The following RCAN2 variants were observed in gnomAD, a reference collection of about 807,000 sequenced individuals.
The protein encoded by RCAN2 is regulator of calcineurin 2.
RCAN2 carries 9 observed loss-of-function variants against 23.6 expected under a neutral mutation model. That is an observed-to-expected ratio of 0.38 (90% CI 0.23 to 0.67). The LOEUF (loss-of-function observed/expected upper bound fraction) is 0.67. Among genes scored for constraint, RCAN2 ranks in the 30% least tolerant of loss-of-function variants. The pLI is 0.51. For missense variants in RCAN2, 273 were observed against 302.3 expected (o/e 0.90, Z 0.72); for synonymous variants, 109 against 115.7 (o/e 0.94, Z 0.37).
chr6:46,253,243 T>C (rs1248020550), intron 2 of RCAN2, among the ~76,000 whole-genome samples: 1 of 152,242 alleles, frequency 6.6e-6, no homozygotes, highest in Non-Finnish European at 1.5e-5. Context: ...CATTGGTGGA[T>C]ACAAGTTTTC....
intron 2 of RCAN2, among the ~76,000 whole-genome samples, chr6:46,404,236 G>T (rs112078544): frequency 6.6e-6 from 1 of 151,700 alleles, no homozygotes; most frequent in African/African-American, 2.4e-5. Context: ...AAAAAAAGAG[G>T]TGATTTTGGA....
intron 2 of RCAN2, among the ~76,000 whole-genome samples, chr6:46,432,333 C>T (rs1767234639): frequency 6.6e-6 from 1 of 152,082 alleles, no homozygotes; most frequent in South Asian, 2.1e-4. Context: ...CTTGCCTCAG[C>T]CTCCCGGGTA....
At chr6:46,228,029 T>G (rs539225615) in intron 4 of RCAN2, among the ~76,000 whole-genome samples, 10 of 152,364 alleles carry the variant, frequency 6.6e-5, no homozygotes, top group Admixed American at 6.5e-4. Flanking sequence ...CATTTCCTTA[T>G]GTACCCAGTA....
chr6:46,411,120 G>A (rs1042603856), intron 2 of RCAN2, among the ~76,000 whole-genome samples: 1 of 152,196 alleles, frequency 6.6e-6, no homozygotes, highest in Non-Finnish European at 1.5e-5. Flanking sequence ...ATAGTATACA[G>A]AGCCCATACA....
At chr6:46,378,730 C>T (rs1404949322) in intron 2 of RCAN2, among the ~76,000 whole-genome samples, 1 of 152,084 alleles carries the variant, frequency 6.6e-6, no homozygotes, top group Non-Finnish European at 1.5e-5. Flanking sequence ...CTGTAGCAGC[C>T]CGTTAAACAG....
At chr6:46,461,636 A>C (rs1768209556) in intron 1 of RCAN2, among the ~76,000 whole-genome samples, 1 of 150,104 alleles carries the variant, frequency 6.7e-6, no homozygotes. Context: ...CCCAGGTCAG[A>C]GTACAATGGC....
rs546230391 is a variant in RCAN2, at chr6:46,292,335, A to G, written c.226-43439T>C. Among the ~76,000 whole-genome samples, 6 of 152,312 alleles carry G rather than the reference A, an allele frequency of 3.9e-5. No individual in the cohort carries two copies. In the East Asian group the frequency reaches 1.2e-3, roughly 29 times the overall value. ...TTTTTAAAAGACAAATGTGTTTAAA[A>G]AGTGAAGGTTGGCTTCCCAATATAA... is the stretch of plus-strand genomic sequence containing the variant. On this transcript the variant is annotated intron_variant, in intron 2 of 4. Coordinates refer to ENST00000371374, the MANE Select transcript of RCAN2 (RefSeq NM_001251974.2).
chr6:46,416,068 A>C (rs1766707417), intron 2 of RCAN2, among the ~76,000 whole-genome samples: 1 of 152,222 alleles, frequency 6.6e-6, no homozygotes, highest in Non-Finnish European at 1.5e-5. Flanking sequence ...CAGTACAGAC[A>C]CAGTATTTTT....
At chr6:46,420,880 G>A (rs1407030985) in intron 2 of RCAN2, among the ~76,000 whole-genome samples, 2 of 152,064 alleles carry the variant, frequency 1.3e-5, no homozygotes, top group Admixed American at 1.3e-4. Flanking sequence ...ACATAAAGAT[G>A]CACAGACACT....
At chr6:46,307,189 A>G (rs1763099247) in intron 2 of RCAN2, among the ~76,000 whole-genome samples, 1 of 152,166 alleles carries the variant, frequency 6.6e-6, no homozygotes, top group African/African-American at 2.4e-5. Context: ...GGTGCTGGGG[A>G]AACAAACATG....
At chr6:46,424,844 T>A (rs1249935482) in intron 2 of RCAN2, among the ~76,000 whole-genome samples, 1 of 152,156 alleles carries the variant, frequency 6.6e-6, no homozygotes, top group Non-Finnish European at 1.5e-5. Flanking sequence ...TTCAATGTCT[T>A]AGATTTTAAT....
At chr6:46,253,598 A>G (rs1201328269) in intron 2 of RCAN2, among the ~76,000 whole-genome samples, 1 of 152,234 alleles carries the variant, frequency 6.6e-6, no homozygotes, top group Admixed American at 6.5e-5. Context: ...AAAAAAATGA[A>G]TAAAACTTAC....
At chr6:46,427,058 T>C (rs559218070) in intron 2 of RCAN2, among the ~76,000 whole-genome samples, 3 of 152,270 alleles carry the variant, frequency 2.0e-5, no homozygotes, top group Admixed American at 1.3e-4. Context: ...AAGAGTCTTA[T>C]TAGGAGGGTA....
In RCAN2 at chr6:46,476,233, AC is replaced by A. The variant is rs536424209; in HGVS notation, c.-3+14939del. 6.0e-4 allele frequency among the ~76,000 whole-genome samples: 92 copies of A among 152,108 alleles called. 1 individual carries two copies. In the South Asian group the frequency reaches 0.018, roughly 30 times the overall value. On this transcript the variant is annotated intron_variant, in intron 1 of 4. Coordinates refer to ENST00000371374, the MANE Select transcript of RCAN2 (RefSeq NM_001251974.2). ...CAGCAGAATCAGAACGAGAATGAAG[AC>A]CCCCTGAATCTTGATGTTTCCATCC... is the stretch of plus-strand genomic sequence containing the variant.
chr6:46,456,494 T>G (rs1361509190), intron 2 of RCAN2, among the ~76,000 whole-genome samples: 1 of 152,230 alleles, frequency 6.6e-6, no homozygotes, highest in Non-Finnish European at 1.5e-5. Flanking sequence ...ATTAACACCA[T>G]TTGTTTTGCT....
At chr6:46,465,895 T>C (rs1768366300) in intron 1 of RCAN2, among the ~76,000 whole-genome samples, 1 of 152,228 alleles carries the variant, frequency 6.6e-6, no homozygotes, top group Non-Finnish European at 1.5e-5. Flanking sequence ...GCACTTTAAA[T>C]TTTGAAAACG....
intron 1 of RCAN2, among the ~76,000 whole-genome samples, chr6:46,487,205 T>G (rs865779272): frequency 8.5e-5 from 13 of 152,334 alleles, no homozygotes; most frequent in Middle Eastern, 3.4e-3. Flanking sequence ...TTGGCCTCCT[T>G]ATAAGCTGGC....
intron 1 of RCAN2, among the ~76,000 whole-genome samples, chr6:46,490,481 A>G (rs1769108721): frequency 6.6e-6 from 1 of 152,218 alleles, no homozygotes; most frequent in Non-Finnish European, 1.5e-5. Context: ...GGCACCCTGG[A>G]AACCAGCGAG....
At position 46,306,141 on chromosome 6, in the gene RCAN2, G is replaced by C. The variant is rs573392706; in HGVS notation, c.226-57245C>G. 5.3e-5 allele frequency among the ~76,000 whole-genome samples: 8 copies of C among 152,158 alleles called. No individual in the cohort carries two copies. In the South Asian group the frequency reaches 6.2e-4, roughly 12 times the overall value. ...AGGGGATATGGTGAGGAGTAGGCAGGGTGCCAATGGCAGTGTGGCATCTAA... is the reference window on the plus strand; with the variant it reads ...AGGGGATATGGTGAGGAGTAGGCAGCGTGCCAATGGCAGTGTGGCATCTAA... On this transcript the variant is annotated intron_variant, in intron 2 of 4. Coordinates refer to ENST00000371374, the MANE Select transcript of RCAN2 (RefSeq NM_001251974.2).
Sources: allele counts gnomAD v4.1 joint callset (sites outside exome capture counted in the v4.1 genomes callset), GRCh38; gene constraint gnomAD v4.1.1; transcripts MANE v1.5; gene names NCBI Gene and HGNC (gene_info 2026-07-23, HGNC 2026-07-21).